MREG: variants seen among roughly 807,000 people sequenced by gnomAD.
MREG encodes the protein dilute suppressor protein homolog.
A neutral mutation model predicts 28.5 loss-of-function variants in MREG; 31 were observed. That is an observed-to-expected ratio of 1.09 (90% CI 0.82 to 1.47). MREG has a LOEUF of 1.47. Ranked by LOEUF, MREG falls within the 40% of genes most tolerant of loss-of-function variation. MREG has a pLI of 0.00. For synonymous variants in MREG, 106 were observed against 95.2 expected, an observed-to-expected ratio of 1.11 and a Z score of -0.66; for missense variants, 256 against 257.4, an observed-to-expected ratio of 0.99 and a Z score of 0.04.
intron 2 of MREG, among the ~76,000 whole-genome samples, chr2:215,995,693 T>C (rs1693854390): frequency 6.6e-6 from 1 of 152,188 alleles, no homozygotes; most frequent in African/African-American, 2.4e-5. Flanking sequence ...AAAAAAAGTA[T>C]GATTGTCTTT....
At chr2:215,978,352 A>G (rs1234955025) in intron 2 of MREG, among the ~76,000 whole-genome samples, 1 of 152,228 alleles carries the variant, frequency 6.6e-6, no homozygotes, top group Non-Finnish European at 1.5e-5. Flanking sequence ...GAATCTCTGA[A>G]TAGACCACTA....
intron 1 of MREG, among the ~76,000 whole-genome samples, chr2:216,008,917 T>C (rs550758711): frequency 2.4e-4 from 37 of 151,748 alleles, no homozygotes; most frequent in Non-Finnish European, 2.5e-4. Flanking sequence ...ACTCAGTCTC[T>C]GCCCCAAGCG....
intron 2 of MREG, among the ~76,000 whole-genome samples, chr2:215,995,532 C>G (rs1467616253): frequency 3.0e-5 from 4 of 133,370 alleles, no homozygotes; most frequent in African/African-American, 6.4e-5. Flanking sequence ...AATATACACA[C>G]TAAACCCAAC....
intron 2 of MREG, among the ~76,000 whole-genome samples, chr2:215,962,147 A>T (rs1692808998): frequency 6.6e-6 from 1 of 152,156 alleles, no homozygotes; most frequent in Non-Finnish European, 1.5e-5. Flanking sequence ...CCACGGCTCC[A>T]CTTGAGTTCT....
At chr2:216,006,206 T>G (rs1694150097) in intron 1 of MREG, among the ~76,000 whole-genome samples, 1 of 152,202 alleles carries the variant, frequency 6.6e-6, no homozygotes, top group Non-Finnish European at 1.5e-5. Context: ...GCACTATGAC[T>G]AATGCAAGTC....
chr2:215,998,314 A>ATAAT (rs1403333407), intron 1 of MREG, among the ~76,000 whole-genome samples: 2 of 147,858 alleles, frequency 1.4e-5, no homozygotes, highest in South Asian at 2.1e-4. Flanking sequence ...TCACAAAAAA[A>ATAAT]AAAAAAAATA....
intron 1 of MREG, among the ~76,000 whole-genome samples, chr2:216,028,327 G>A (rs184361106): frequency 1.1e-3 from 163 of 152,218 alleles, no homozygotes; most frequent in African/African-American, 3.5e-3. Context: ...CACGAGGTCA[G>A]GAGATCCTGG....
At chr2:216,007,048 C>G (rs1426930840) in intron 1 of MREG, among the ~76,000 whole-genome samples, 1 of 152,212 alleles carries the variant, frequency 6.6e-6, no homozygotes, top group Non-Finnish European at 1.5e-5. Context: ...GCATTGAAAT[C>G]TACTAGCATA....
At chr2:215,984,670 A>G (rs1164993089) in intron 2 of MREG, among the ~76,000 whole-genome samples, 1 of 152,178 alleles carries the variant, frequency 6.6e-6, no homozygotes, top group Non-Finnish European at 1.5e-5. Flanking sequence ...AAGGGATGGA[A>G]CAGAGTAGAA....
At position 215,943,429 on chromosome 2, in the gene MREG, C is replaced by A. The variant is rs6435927; in HGVS notation, c.*1434G>T. On this transcript the variant is annotated 3_prime_UTR_variant, in exon 5 of 5. Coordinates refer to ENST00000263268, the MANE Select transcript of MREG (RefSeq NM_018000.3). ...CAATACTCCCTGCATATGTGCAAGT[C>A]TGCATGAGAGGTCCCCCCACAGGTG... is the stretch of plus-strand genomic sequence containing the variant. The A allele has an allele frequency of 0.17, 79,077 of 456,454 alleles. 7,883 individuals carry two copies. Among genetic ancestry groups the A allele is most frequent in the Middle Eastern group, 0.23 (699 of 3,074 alleles). The allele number at this position is 456,454 out of a possible 1,614,324, so 28.3% of individuals were successfully genotyped here.
upstream of MREG, among the ~76,000 whole-genome samples, chr2:216,016,457 G>A (rs1694450879): frequency 6.6e-6 from 1 of 152,224 alleles, no homozygotes; most frequent in Non-Finnish European, 1.5e-5. Flanking sequence ...TGGATTTGCT[G>A]AGAATGGAGA....
intron 1 of MREG, among the ~76,000 whole-genome samples, chr2:216,007,476 C>T (rs888675767): frequency 5.3e-5 from 8 of 151,956 alleles, no homozygotes; most frequent in Non-Finnish European, 1.2e-4. Context: ...GTCACCCAGG[C>T]TGGAGTGCAG....
In MREG at chr2:216,022,640, G is replaced by A. The variant is rs10169620; in HGVS notation, c.-68+10149C>T. Among the ~76,000 whole-genome samples, 223 of 152,310 alleles carry A rather than the reference G, an allele frequency of 1.5e-3. 1 individual carries two copies. The highest frequency in any genetic ancestry group is 5.0e-3 in the African/African-American group (208 of 41,560). Reference sequence around the variant, plus strand: ...AGTCTCAATTCTCAGCCCCAGAGATGAGATTTGGAATTCAACCTCTTCCTA... The same window carrying A: ...AGTCTCAATTCTCAGCCCCAGAGATAAGATTTGGAATTCAACCTCTTCCTA... On this transcript the variant is annotated intron_variant, in intron 1 of 3. Transcript: ENST00000420348.
At chr2:215,954,485 A>C (rs982985382) in intron 2 of MREG, among the ~76,000 whole-genome samples, 1 of 31,002 alleles carries the variant, frequency 3.2e-5, no homozygotes, top group African/African-American at 9.9e-5. Flanking sequence ...CACACACACA[A>C]AACAACCAGA....
intron 2 of MREG, among the ~76,000 whole-genome samples, chr2:215,985,892 T>C (rs1574628319): frequency 6.6e-6 from 1 of 152,244 alleles, no homozygotes; most frequent in East Asian, 1.9e-4. Context: ...AAGTGAAATT[T>C]GGTTTTCTTC....
Position 215,945,654 on chromosome 2 carries a change from G to C in MREG, c.427C>G (p.Arg143Gly). 4 of 1,613,890 alleles carry C rather than the reference G, an allele frequency of 2.5e-6. No individual in the cohort carries two copies. Among genetic ancestry groups the C allele is most frequent in the Non-Finnish European group, 3.4e-6 (4 of 1,179,858 alleles). Residue 143 changes from arginine (R) to glycine (G), a missense_variant, in exon 4 of 5, where the codon CGA becomes GGA. By Grantham distance (125) the Arg-to-Gly change is moderately radical. Coordinates refer to ENST00000263268, the MANE Select transcript of MREG (RefSeq NM_018000.3). ...TCAGCCAGTTTTAACAACATCTCTCGAGCTTTCCTTGTGTTTTTAGAATCA... is the reference window on the plus strand; with the variant it reads ...TCAGCCAGTTTTAACAACATCTCTCCAGCTTTCCTTGTGTTTTTAGAATCA... ...ISDSKNTRKA[R>G]EMLLKLAEET... is the part of the protein sequence containing the mutation.
intron 2 of MREG, among the ~76,000 whole-genome samples, chr2:215,961,862 C>T (rs866546952): frequency 1.3e-5 from 2 of 152,250 alleles, no homozygotes; most frequent in Middle Eastern, 3.4e-3. Flanking sequence ...TAAGTTCCCA[C>T]CCCAGATGCT....
intron 2 of MREG, among the ~76,000 whole-genome samples, chr2:215,955,282 C>T (rs1452021644): frequency 6.6e-6 from 1 of 151,962 alleles, no homozygotes; most frequent in Non-Finnish European, 1.5e-5. Flanking sequence ...GTAGAAAATG[C>T]CCCCCCATAT....
intron 2 of MREG, among the ~76,000 whole-genome samples, chr2:215,978,988 T>C (rs370933404): frequency 1.3e-5 from 2 of 152,228 alleles, no homozygotes; most frequent in Non-Finnish European, 2.9e-5. Context: ...AACTGATGAA[T>C]GGACACATCG....
Sources: gnomAD v4.1 joint callset for allele counts (sites outside exome capture counted in the v4.1 genomes callset) on GRCh38, gnomAD v4.1.1 for gene constraint, MANE v1.5 for transcripts, NCBI Gene and HGNC (gene_info 2026-07-23, HGNC 2026-07-21) for gene names.